PUDP: variants seen among roughly 807,000 people sequenced by gnomAD.
The protein encoded by PUDP is pseudouridine 5'-phosphatase, also known as pseudouridine-5'-phosphatase.
PUDP carries 8 observed loss-of-function variants against 9.4 expected under a neutral mutation model. That is an observed-to-expected ratio of 0.85 (90% CI 0.50 to 1.53). The LOEUF (loss-of-function observed/expected upper bound fraction) is 1.53, where lower values mean the gene tolerates loss of function less well. PUDP is among the 40% of genes most tolerant of loss of function. The probability of loss-of-function intolerance (pLI) is 0.00; values close to 1 mark genes in which losing one functional copy is unlikely to be tolerated. For missense variants in PUDP, 188 were observed against 189.7 expected (o/e 0.99, Z 0.05); for synonymous variants, 99 against 80.7 (o/e 1.23, Z -1.22).
At chrX:6,886,977 C>A (rs1419943482) in intron 3 of PUDP, among the ~76,000 whole-genome samples, 2 of 105,174 alleles carry the variant, frequency 1.9e-5, no homozygotes, top group African/African-American at 6.9e-5. Flanking sequence ...ACATGCAGCT[C>A]CAAATATATA....
upstream of PUDP, among the ~76,000 whole-genome samples, chrX:6,726,264 G>T (rs1924737305): frequency 9.0e-6 from 1 of 111,578 alleles, no homozygotes; most frequent in Non-Finnish European, 1.9e-5. Context: ...GGTTACTAAA[G>T]GCTGGGAAGC....
intron 3 of PUDP, among the ~76,000 whole-genome samples, chrX:6,844,963 C>T (rs923537148): frequency 8.9e-6 from 1 of 112,220 alleles, no homozygotes; most frequent in Non-Finnish European, 1.9e-5. Flanking sequence ...AAAGCAAATT[C>T]ACCCTTCTTC....
chrX:7,010,468 A>C (rs1929461723), intron 1 of PUDP, among the ~76,000 whole-genome samples: 1 of 111,798 alleles, frequency 8.9e-6, no homozygotes, highest in Admixed American at 9.5e-5. Context: ...GCCCCTTTAA[A>C]AGTCTTAAAC....
At chrX:6,921,846 G>T (rs748154802) in intron 3 of PUDP, among the ~76,000 whole-genome samples, 2 of 110,866 alleles carry the variant, frequency 1.8e-5, no homozygotes, top group African/African-American at 6.6e-5. Flanking sequence ...TCCTTCAATT[G>T]TGTGTTTCCT....
chrX:6,985,131 C>T (rs1232427495), intron 1 of PUDP, among the ~76,000 whole-genome samples: 1 of 111,768 alleles, frequency 8.9e-6, no homozygotes, highest in African/African-American at 3.3e-5. Context: ...AAAGAAGGGA[C>T]TTTTTACTTC....
chrX:6,871,079 A>T (rs1431002182), intron 3 of PUDP, among the ~76,000 whole-genome samples: 3 of 111,913 alleles, frequency 2.7e-5, no homozygotes, highest in East Asian at 5.6e-4. Context: ...TCGTCCTCCA[A>T]TCTCAGCCTC....
At chrX:6,815,757 C>T (rs1416631886) in intron 3 of PUDP, among the ~76,000 whole-genome samples, 1 of 110,027 alleles carries the variant, frequency 9.1e-6, no homozygotes, top group Non-Finnish European at 1.9e-5. Flanking sequence ...AACTCATTGC[C>T]TTTCACAGAA....
At chrX:6,748,920 A>G (rs751218663) in intron 3 of PUDP, among the ~76,000 whole-genome samples, 1 of 111,483 alleles carries the variant, frequency 9.0e-6, no homozygotes, top group East Asian at 2.8e-4. Context: ...TCATCTGCAG[A>G]TGTGCCATTC....
intron 3 of PUDP, among the ~76,000 whole-genome samples, chrX:6,965,692 G>A (rs1928772591): frequency 8.9e-6 from 1 of 112,119 alleles, no homozygotes; most frequent in African/African-American, 3.2e-5. Context: ...AAATAATTAG[G>A]CATACAGTAT....
intron 1 of PUDP, among the ~76,000 whole-genome samples, chrX:7,004,094 T>G (rs1929368207): frequency 9.0e-6 from 1 of 111,109 alleles, no homozygotes; most frequent in Non-Finnish European, 1.9e-5. Context: ...GAGGCTGGTT[T>G]TGAACTCCTG....
rs140522127 is a variant in PUDP at position 6,825,069 on chromosome X, T to C, written c.*248-118603A>G. On this transcript the variant is annotated intron_variant and NMD_transcript_variant, in intron 3 of 3. Coordinates refer to the PUDP transcript ENST00000655425. ...TGTTGTTGTCATGGCAGCCTGAAAG[T>C]ATTAAGACATTTATTGAAGGAGCCA... Among the ~76,000 whole-genome samples the C allele has an allele frequency of 6.5e-4, 72 of 111,601 alleles. 1 individual carries two copies. The East Asian group carries it at 8.2e-3, about 13-fold the overall frequency.
intron 1 of PUDP, among the ~76,000 whole-genome samples, chrX:7,007,803 C>T (rs1345461655): frequency 1.8e-5 from 2 of 111,911 alleles, no homozygotes; most frequent in Admixed American, 9.5e-5. Context: ...AATCTCTGTC[C>T]TCTATTAAAT....
chrX:7,121,024 G>A (rs1932328746), intron 1 of PUDP, among the ~76,000 whole-genome samples: 1 of 111,786 alleles, frequency 8.9e-6, no homozygotes, highest in African/African-American at 3.3e-5. Context: ...TGGGAGTTGT[G>A]GGAAGATTTG....
chrX:6,946,977 T>TTTTG (rs202243439), intron 3 of PUDP, among the ~76,000 whole-genome samples: 21,775 of 100,836 alleles, frequency 0.22, 1,935 homozygotes, highest in Admixed American at 0.37. Flanking sequence ...GTCTGTTTTT[T>TTTTG]TTTGTTTGTT....
At chrX:6,861,947 T>A (rs926172329) in intron 3 of PUDP, among the ~76,000 whole-genome samples, 3 of 110,403 alleles carry the variant, frequency 2.7e-5, no homozygotes, top group Non-Finnish European at 5.7e-5. Flanking sequence ...AGGGACAGAG[T>A]CAGCCCTGAG....
At chrX:7,101,005 C>A (rs1489014915) in intron 2 of PUDP, among the ~76,000 whole-genome samples, 1 of 111,969 alleles carries the variant, frequency 8.9e-6, no homozygotes, top group Non-Finnish European at 1.9e-5. Context: ...ACCACTGTCC[C>A]TGCACATCAT....
At chrX:6,837,099 C>T (rs1415867325) in intron 3 of PUDP, among the ~76,000 whole-genome samples, 1 of 112,373 alleles carries the variant, frequency 8.9e-6, no homozygotes, top group African/African-American at 3.2e-5. Flanking sequence ...CTTGTTTCAA[C>T]AGGAACATGC....
At chrX:6,857,925 C>A (rs1226796779) in intron 3 of PUDP, among the ~76,000 whole-genome samples, 3 of 111,607 alleles carry the variant, frequency 2.7e-5, no homozygotes, top group African/African-American at 9.8e-5. Context: ...ACTTCTGAAA[C>A]CTTTGGAATT....
At chrX:6,944,839 T>C (rs926250452) in intron 3 of PUDP, among the ~76,000 whole-genome samples, 1 of 111,126 alleles carries the variant, frequency 9.0e-6, no homozygotes, top group African/African-American at 3.3e-5. Flanking sequence ...CTAGAGGAAG[T>C]CATGCCCATG....
Sources: gnomAD v4.1 joint callset for allele counts (sites outside exome capture counted in the v4.1 genomes callset) on GRCh38, gnomAD v4.1.1 for gene constraint, MANE v1.5 for transcripts, NCBI Gene and HGNC (gene_info 2026-07-23, HGNC 2026-07-21) for gene names.